HSD17B12: variants seen among roughly 807,000 people sequenced by gnomAD.
HSD17B12 encodes very-long-chain 3-oxoacyl-CoA reductase.
A neutral mutation model predicts 39.3 loss-of-function variants in HSD17B12; 32 were observed. The ratio of observed to expected loss-of-function variants is 0.81; its 90% CI spans 0.61 to 1.09. The LOEUF is 1.09. Among genes scored for constraint, HSD17B12 ranks in the 50% least tolerant of loss-of-function variants. The pLI is 0.00. For missense variants in HSD17B12, 342 were observed against 382.9 expected (o/e 0.89, Z 0.89); for synonymous variants, 150 against 146.7 (o/e 1.02, Z -0.16).
At chr11:43,823,868 C>T (rs537375280) in intron 6 of HSD17B12, among the ~76,000 whole-genome samples, 4 of 152,212 alleles carry the variant, frequency 2.6e-5, no homozygotes, top group South Asian at 2.1e-4. Context: ...TTGAATCAAT[C>T]GCTATTTATA....
chr11:43,648,646 A>T, the HSD17B12 span, among the ~76,000 whole-genome samples: 1 of 152,204 alleles, frequency 6.6e-6, no homozygotes, highest in Non-Finnish European at 1.5e-5. Flanking sequence ...TTACCAATCT[A>T]AAAAAATTTT....
At chr11:43,811,317 G>A (rs1288804274) in intron 4 of HSD17B12, among the ~76,000 whole-genome samples, 1 of 152,230 alleles carries the variant, frequency 6.6e-6, no homozygotes, top group East Asian at 1.9e-4. Flanking sequence ...GAGATTATGG[G>A]TATCATTCAT....
At chr11:43,740,178 A>G (rs1352707962) in intron 1 of HSD17B12, among the ~76,000 whole-genome samples, 1 of 152,140 alleles carries the variant, frequency 6.6e-6, no homozygotes, top group Non-Finnish European at 1.5e-5. Flanking sequence ...ATGGTGTTTG[A>G]GAAAGATAAT....
chr11:43,660,156 G>T, the HSD17B12 span, among the ~76,000 whole-genome samples: 263 of 152,166 alleles, frequency 1.7e-3, 2 homozygotes, highest in African/African-American at 6.0e-3. Flanking sequence ...TTCTCCCAAG[G>T]AGTTCCCATA....
intron 4 of HSD17B12, among the ~76,000 whole-genome samples, chr11:43,802,515 ACATCT>A (rs1950981479): frequency 6.6e-6 from 1 of 152,130 alleles, no homozygotes; most frequent in Non-Finnish European, 1.5e-5. Context: ...ACTGTATTTG[ACATCT>A]CAACTCTAGT....
At chr11:43,617,475 G>C in the HSD17B12 span, among the ~76,000 whole-genome samples, 1 of 151,844 alleles carries the variant, frequency 6.6e-6, no homozygotes, top group Non-Finnish European at 1.5e-5. Context: ...AGTTGAGATA[G>C]CCTTAGGATG....
At chr11:43,732,654 AG>A (rs1950280026) in intron 1 of HSD17B12, among the ~76,000 whole-genome samples, 1 of 152,056 alleles carries the variant, frequency 6.6e-6, no homozygotes, top group Non-Finnish European at 1.5e-5. Flanking sequence ...TTGTAGAGAC[AG>A]GGTCTTGCTG....
At chr11:43,697,862 G>A (rs1362458459) in intron 1 of HSD17B12, among the ~76,000 whole-genome samples, 1 of 152,202 alleles carries the variant, frequency 6.6e-6, no homozygotes, top group Non-Finnish European at 1.5e-5. Flanking sequence ...AGGCCCTTGA[G>A]TCTACAGTAA....
At chr11:43,815,863 G>A (rs1951117512) in intron 5 of HSD17B12, among the ~76,000 whole-genome samples, 1 of 152,130 alleles carries the variant, frequency 6.6e-6, no homozygotes, top group Non-Finnish European at 1.5e-5. Context: ...AAAATTGTAA[G>A]TATGTTAATA....
chr11:43,773,145 A>G (rs1950665826), intron 3 of HSD17B12, among the ~76,000 whole-genome samples: 1 of 152,208 alleles, frequency 6.6e-6, no homozygotes, highest in African/African-American at 2.4e-5. Flanking sequence ...AGCCATTTTG[A>G]AAATGTTCAG....
At chr11:43,594,467 T>A in the HSD17B12 span, among the ~76,000 whole-genome samples, 1 of 151,770 alleles carries the variant, frequency 6.6e-6, no homozygotes, top group Non-Finnish European at 1.5e-5. Flanking sequence ...ATTAAAATTT[T>A]AAAATATTCT....
At chr11:43,850,607 A>G (rs1951521576) in intron 9 of HSD17B12, among the ~76,000 whole-genome samples, 1 of 152,210 alleles carries the variant, frequency 6.6e-6, no homozygotes, top group East Asian at 1.9e-4. Flanking sequence ...TTAAGTTCCA[A>G]GGTTCAATCC....
chr11:43,780,721 C>T (rs1590294219), intron 3 of HSD17B12, among the ~76,000 whole-genome samples: 1 of 152,240 alleles, frequency 6.6e-6, no homozygotes, highest in Middle Eastern at 3.4e-3. Flanking sequence ...TGCTCTGGCT[C>T]AGCATGGTTC....
At chr11:43,599,773 TTAC>T in the HSD17B12 span, among the ~76,000 whole-genome samples, 3 of 152,220 alleles carry the variant, frequency 2.0e-5, no homozygotes, top group Non-Finnish European at 4.4e-5. Context: ...TCAGATATTA[TTAC>T]TTTTATTCAA....
chr11:43,700,079 A>G (rs565001831), intron 1 of HSD17B12, among the ~76,000 whole-genome samples: 31 of 152,310 alleles, frequency 2.0e-4, no homozygotes, highest in Middle Eastern at 3.4e-3. Flanking sequence ...TTTATACACC[A>G]GTGGCCTTAG....
chr11:43,755,918 G>C (rs962251361), intron 3 of HSD17B12, among the ~76,000 whole-genome samples: 1 of 152,182 alleles, frequency 6.6e-6, no homozygotes, highest in East Asian at 1.9e-4. Context: ...GGCTGAGGAG[G>C]CCTCACAATC....
intron 1 of HSD17B12, among the ~76,000 whole-genome samples, chr11:43,684,344 T>C (rs1370553350): frequency 6.6e-6 from 1 of 152,238 alleles, no homozygotes. Context: ...AAAAGATTGA[T>C]AACAAAGGTG....
the HSD17B12 span, among the ~76,000 whole-genome samples, chr11:43,669,763 A>T: frequency 6.6e-6 from 1 of 152,170 alleles, no homozygotes. Flanking sequence ...GGAAACAGAC[A>T]TTGGGTTTAG....
At chr11:43,608,403 T>TA in the HSD17B12 span, among the ~76,000 whole-genome samples, 2 of 151,858 alleles carry the variant, frequency 1.3e-5, no homozygotes, top group African/African-American at 2.4e-5. Flanking sequence ...TTCCTTAATT[T>TA]AAAAATCAAT....
Sources: gnomAD v4.1 joint callset for allele counts (sites outside exome capture counted in the v4.1 genomes callset) on GRCh38, gnomAD v4.1.1 for gene constraint, MANE v1.5 for transcripts, NCBI Gene and HGNC (gene_info 2026-07-23, HGNC 2026-07-21) for gene names.